The following SLC12A9 variants were observed in gnomAD, a reference collection of about 807,000 sequenced individuals.
The protein encoded by SLC12A9 is solute carrier family 12 member 9.
SLC12A9 carries 55 observed loss-of-function variants against 66.0 expected under a neutral mutation model. That is an observed-to-expected ratio of 0.83 (90% CI 0.67 to 1.04). The LOEUF (loss-of-function observed/expected upper bound fraction) is 1.04, where lower values mean the gene tolerates loss of function less well. Among genes scored for constraint, SLC12A9 ranks in the 50% least tolerant of loss-of-function variants. SLC12A9 has a pLI of 0.00. For synonymous variants in SLC12A9, 577 were observed against 569.0 expected (o/e 1.01, Z -0.20); for missense variants, 1,061 against 1,241.9 (o/e 0.85, Z 2.19).
chr7:100,835,771 G>A (rs1813643231), intron 1 of SLC12A9, among the ~76,000 whole-genome samples: 1 of 152,248 alleles, frequency 6.6e-6, no homozygotes, highest in Admixed American at 6.5e-5. Flanking sequence ...TAGAGGAAGG[G>A]CTCTTGAGTG....
In SLC12A9 at chr7:100,855,752, G is replaced by C. The variant is rs779803113; in HGVS notation, c.363G>C (p.Gly121=). 1.2e-6 allele frequency: 2 copies of C among 1,614,192 alleles called. No individual in the cohort carries two copies. Among genetic ancestry groups the C allele is most frequent in the South Asian group, 2.2e-5 (2 of 91,090 alleles). The part of the protein sequence containing the change: ...TLGPEVGGSI[G]LMFYLANVCG... ...GGCCCGAGGTCGGGGGCAGCATTGG[G>C]CTCATGTTCTACCTGGCTAACGTCT... The change falls in exon 4 of 14, where the codon GGG becomes GGC. Residue 121 remains glycine, a synonymous_variant. Transcript: ENST00000354161.
At position 100,865,939 on chromosome 7, in the gene SLC12A9, G is replaced by A. The variant is rs764923874; in HGVS notation, c.2079G>A (p.Met693Ile). 2.5e-6 allele frequency: 4 copies of A among 1,613,366 alleles called. No homozygotes were observed. The highest frequency in any genetic ancestry group is 3.4e-6 in the Non-Finnish European group (4 of 1,179,992). ...CCACGGTGGCCGACGCCCTCAAGAT[G>A]AACAAGAATGTGGTGCTGGCCCGGG... ...YVATVADALK[M>I]NKNVVLARAS... is the part of the protein sequence containing the mutation. The change falls in exon 14 of 14, where the codon ATG becomes ATA. Residue 693 changes from methionine to isoleucine, a missense_variant. Coordinates refer to ENST00000354161, the MANE Select transcript of SLC12A9 (RefSeq NM_020246.4).
chr7:100,851,913 G>A (rs113400059), upstream of SLC12A9, among the ~76,000 whole-genome samples: 61 of 152,136 alleles, frequency 4.0e-4, no homozygotes, highest in African/African-American at 1.4e-3. Flanking sequence ...TATTTGCAAG[G>A]GATAATTTAT....
intron 3 of SLC12A9, 82 bp from the exon 4 acceptor site, chr7:100,855,624 G>C (rs1257639857): frequency 6.3e-7 from 1 of 1,589,928 alleles, no homozygotes; most frequent in Admixed American, 1.7e-5. Flanking sequence ...CTGCACTTGG[G>C]TTCAGTGCTT....
chr7:100,828,330 G>C lies in SLC12A9; in HGVS notation n.228+1283G>C, dbSNP rs571982867. Among the ~76,000 whole-genome samples, 5 of 152,112 alleles carry C rather than the reference G, an allele frequency of 3.3e-5. No homozygotes were observed. The South Asian group carries it at 1.0e-3, about 32-fold the overall frequency. On this transcript the variant is annotated intron_variant and non_coding_transcript_variant, in intron 1 of 1. Coordinates refer to the SLC12A9 transcript ENST00000461016. ...GAGGCAGGCGGATCATTTGAGGTCAGGAGTTCAAGACCAGCCTGGCCAACA... is the reference window on the plus strand; with the variant it reads ...GAGGCAGGCGGATCATTTGAGGTCACGAGTTCAAGACCAGCCTGGCCAACA...
chr7:100,865,412 G>A (rs1815013972), intron 13 of SLC12A9: 2 of 1,536,220 alleles, frequency 1.3e-6, no homozygotes, highest in East Asian at 2.4e-5. Context: ...GAAGCCGGGA[G>A]TGGACAGCAT....
At chr7:100,860,269 C>A in intron 9 of SLC12A9, 37 bp downstream of exon 9, 1 of 1,599,816 alleles carries the variant, frequency 6.3e-7, no homozygotes, top group Non-Finnish European at 8.5e-7. Flanking sequence ...TTCCCTCACC[C>A]CACCAGCTGG....
intron 1 of SLC12A9, chr7:100,837,363 A>G (rs898124908): frequency 8.5e-5 from 13 of 152,160 alleles, no homozygotes; most frequent in African/African-American, 3.1e-4. Context: ...GGAGAGGACG[A>G]CCCGCCCGTA....
At chr7:100,843,457 C>T (rs1308131762) in intron 1 of SLC12A9, among the ~76,000 whole-genome samples, 2 of 152,162 alleles carry the variant, frequency 1.3e-5, no homozygotes, top group Admixed American at 6.6e-5. Flanking sequence ...TCATGTCGGC[C>T]CCAGCCCTGA....
chr7:100,836,609 G>C (rs1403506197), intron 1 of SLC12A9, among the ~76,000 whole-genome samples: 6 of 152,058 alleles, frequency 3.9e-5, no homozygotes, highest in African/African-American at 1.4e-4. Context: ...GTCTAGCCTC[G>C]CACTGCTGCC....
At position 100,859,155 on chromosome 7, in the gene SLC12A9, G is replaced by C. The variant is rs1210086826; in HGVS notation, c.971G>C (p.Cys324Ser). ...VLLFFLSSFT[C>S]DRTLLQEDYG... ...CTTTTCTTTCTCTCCAGCTTCACTT[G>C]TGACAGGTGTCTGGGGAGGGATGGG... is the stretch of plus-strand genomic sequence containing the variant. Residue 324 changes from cysteine (C) to serine (S), a missense_variant, in exon 7 of 14, where the codon TGT becomes TCT. Physicochemically the swap from Cys to Ser is moderately radical, Grantham distance 112. Coordinates refer to ENST00000354161, the MANE Select transcript of SLC12A9 (RefSeq NM_020246.4). 6.2e-7 allele frequency: 1 copy of C among 1,613,914 alleles called. No individual in the cohort carries two copies. The highest frequency in any genetic ancestry group is 8.5e-7 in the Non-Finnish European group (1 of 1,179,962).
chr7:100,865,695 C>T (rs528982905), intron 13 of SLC12A9, 24 bp from the exon 14 acceptor site: 10 of 1,586,010 alleles, frequency 6.3e-6, no homozygotes, highest in East Asian at 4.5e-5. Flanking sequence ...CTGTCTGTTC[C>T]TGCCTTCCCC....
At chr7:100,841,205 CGAA>C (rs1813783411) in intron 1 of SLC12A9, among the ~76,000 whole-genome samples, 1 of 150,464 alleles carries the variant, frequency 6.6e-6, no homozygotes, top group Admixed American at 6.6e-5. Context: ...TGAAGAATAT[CGAA>C]GAATTGTCTG....
At chr7:100,835,621 G>C (rs1484157485) in intron 1 of SLC12A9, among the ~76,000 whole-genome samples, 1 of 151,924 alleles carries the variant, frequency 6.6e-6, no homozygotes, top group Non-Finnish European at 1.5e-5. Context: ...CTGCACTCCA[G>C]CCTGGGTGAC....
chr7:100,830,928 A>C (rs1813531746), intron 1 of SLC12A9, among the ~76,000 whole-genome samples: 1 of 152,088 alleles, frequency 6.6e-6, no homozygotes, highest in African/African-American at 2.4e-5. Flanking sequence ...AAGCAAATTC[A>C]GTAGCCACTA....
chr7:100,841,330 C>T (rs1813786987), intron 1 of SLC12A9, among the ~76,000 whole-genome samples: 1 of 150,332 alleles, frequency 6.7e-6, no homozygotes, highest in Non-Finnish European at 1.5e-5. Flanking sequence ...AAAAAACAAA[C>T]CAGTTTATGT....
chr7:100,858,679 C>T, intron 5 of SLC12A9, 156 bp from the exon 6 acceptor site: 2 of 648,258 alleles, frequency 3.1e-6, no homozygotes, highest in Admixed American at 2.5e-5. Flanking sequence ...ATGTGTCTGG[C>T]TGACCCAGGG....
upstream of SLC12A9, among the ~76,000 whole-genome samples, chr7:100,852,153 G>A (rs1438382074): frequency 1.3e-5 from 2 of 152,220 alleles, no homozygotes; most frequent in African/African-American, 4.8e-5. Flanking sequence ...CAAGAAAGCG[G>A]GCATCAGACG....
chr7:100,840,049 ACTTGACTTAGATTG>A (rs947802815), intron 1 of SLC12A9, among the ~76,000 whole-genome samples: 1 of 151,540 alleles, frequency 6.6e-6, no homozygotes, highest in Non-Finnish European at 1.5e-5. Flanking sequence ...TTTGTTTTTG[ACTTGACTTAGATTG>A]CTTAATACTC....
Sources: gnomAD v4.1 joint callset for allele counts (sites outside exome capture counted in the v4.1 genomes callset) on GRCh38, gnomAD v4.1.1 for gene constraint, MANE v1.5 for transcripts, NCBI Gene and HGNC (gene_info 2026-07-23, HGNC 2026-07-21) for gene names.